HUNK: variants seen among roughly 807,000 people sequenced by gnomAD.
The protein encoded by HUNK is hormonally up-regulated neu tumor-associated kinase.
A neutral mutation model predicts 61.0 loss-of-function variants in HUNK; 21 were observed. The ratio of observed to expected loss-of-function variants is 0.34; its 90% CI spans 0.24 to 0.50. The LOEUF (loss-of-function observed/expected upper bound fraction) is 0.50. HUNK is among the 20% of genes least tolerant of loss of function. The pLI is 0.98. For missense variants in HUNK, 772 were observed against 945.7 expected (o/e 0.82, Z 2.41); for synonymous variants, 371 against 386.1 (o/e 0.96, Z 0.46).
At chr21:31,887,151 C>T (rs1005565715) in intron 1 of HUNK, among the ~76,000 whole-genome samples, 1 of 152,160 alleles carries the variant, frequency 6.6e-6, no homozygotes, top group African/African-American at 2.4e-5. Flanking sequence ...GGCCCCTGAA[C>T]AGCTGTGCTT....
intron 4 of HUNK, among the ~76,000 whole-genome samples, chr21:31,952,466 A>G (rs1486905027): frequency 1.3e-5 from 2 of 151,914 alleles, no homozygotes; most frequent in African/African-American, 2.4e-5. Flanking sequence ...CCTTCCCTCC[A>G]CCTGCCGGGG....
chr21:31,873,753 AG>A lies in HUNK; in HGVS notation c.81del (p.Arg27SerfsTer15). ...CGGCGGCGGCGCGGAGGACGCGGCC[AG>A]GCCCGCGGCGGCCTGCGAGGGAAGT... ...GGGGGAEDAARPAAACEGSFL... is the reference protein window; with the variant it reads ...GGGGGAEDAAXPAAACEGSFL... On this transcript the variant is annotated frameshift_variant, in exon 1 of 11. Coordinates refer to ENST00000270112, the MANE Select transcript of HUNK (RefSeq NM_014586.2). LOFTEE classifies it high-confidence loss of function. This position sits in a 1 kb window ranked among gnomAD's most constrained non-coding sequence, Gnocchi z 6.1. The A allele has an allele frequency of 7.0e-7, 1 of 1,429,102 alleles. No homozygotes were observed. Among genetic ancestry groups the A allele is most frequent in the Non-Finnish European group, 9.2e-7 (1 of 1,087,974 alleles). 88.5% of individuals were successfully genotyped at this position (1,429,102 alleles called of 1,614,324 possible). A position where few individuals can be genotyped will look rare whatever the true frequency, so the allele number is the denominator to read the frequency against.
intron 1 of HUNK, among the ~76,000 whole-genome samples, chr21:31,888,954 T>G (rs570232678): frequency 6.6e-6 from 1 of 152,304 alleles, no homozygotes; most frequent in East Asian, 1.9e-4. Context: ...CAGTGGGGAC[T>G]GGTAGCTCTC....
chr21:31,934,942 C>T (rs557129376), intron 2 of HUNK, among the ~76,000 whole-genome samples: 27 of 152,036 alleles, frequency 1.8e-4, no homozygotes, highest in African/African-American at 2.7e-4. Flanking sequence ...CGTGTCTTTG[C>T]GGTTGTGAAT....
chr21:31,978,112 T>A (rs2053063490), intron 7 of HUNK, among the ~76,000 whole-genome samples: 1 of 152,200 alleles, frequency 6.6e-6, no homozygotes, highest in South Asian at 2.1e-4. Context: ...GAGTGTGGCT[T>A]TGTCATCTGA....
intron 1 of HUNK, among the ~76,000 whole-genome samples, chr21:31,915,585 A>G (rs1166753045): frequency 6.6e-6 from 1 of 152,112 alleles, no homozygotes; most frequent in East Asian, 1.9e-4. Flanking sequence ...TCTCAGTTGT[A>G]CAGAAGATCC....
intron 2 of HUNK, among the ~76,000 whole-genome samples, chr21:31,931,482 C>T (rs1417827727): frequency 6.6e-6 from 1 of 152,166 alleles, no homozygotes; most frequent in Non-Finnish European, 1.5e-5. Context: ...CTGCCAGTGG[C>T]CCTGCTGGGT....
At chr21:31,966,564 T>G (rs141876577) in intron 5 of HUNK, among the ~76,000 whole-genome samples, 77 of 152,310 alleles carry the variant, frequency 5.1e-4, no homozygotes, top group African/African-American at 1.8e-3. Flanking sequence ...CTAGCAAAGA[T>G]TGTTTCTCTT....
At chr21:31,964,339 A>G (rs1054761144) in intron 5 of HUNK, among the ~76,000 whole-genome samples, 3 of 152,200 alleles carry the variant, frequency 2.0e-5, no homozygotes, top group African/African-American at 4.8e-5. Flanking sequence ...ATTTGCATCT[A>G]TCAGGCTACA....
At chr21:31,893,192 G>A (rs1428287718) in intron 1 of HUNK, among the ~76,000 whole-genome samples, 5 of 151,956 alleles carry the variant, frequency 3.3e-5, no homozygotes, top group African/African-American at 7.3e-5. Flanking sequence ...ACAGCAACCC[G>A]AGCTACAGAA....
chr21:31,873,989 A>G lies in HUNK; in HGVS notation c.261+54A>G. ...GGCACAGGGGCGGGAGTCGGCGGCC[A>G]GGACCCCGCGGGGAGCACTGCACTG... On this transcript the variant is annotated intron_variant, in intron 1 of 10. Coordinates refer to ENST00000270112, the MANE Select transcript of HUNK (RefSeq NM_014586.2). This position sits in a 1 kb window ranked among gnomAD's most constrained non-coding sequence, Gnocchi z 6.1. 3.2e-5 allele frequency: 43 copies of G among 1,352,928 alleles called. No homozygotes were observed. The highest frequency in any genetic ancestry group is 4.1e-5 in the Non-Finnish European group (42 of 1,036,168). The allele number at this position is 1,352,928 out of a possible 1,614,324, so 83.8% of individuals were successfully genotyped here.
chr21:31,912,106 C>T (rs2052550069), intron 1 of HUNK, among the ~76,000 whole-genome samples: 1 of 152,164 alleles, frequency 6.6e-6, no homozygotes, highest in Non-Finnish European at 1.5e-5. Context: ...TTGGGGTTGG[C>T]CGTGGCCATG....
chr21:31,994,368 A>G lies in HUNK; in HGVS notation c.1306-1400A>G, dbSNP rs907707017. On this transcript the variant is annotated intron_variant, in intron 9 of 10. Coordinates refer to ENST00000270112, the MANE Select transcript of HUNK (RefSeq NM_014586.2). ...CTTTCCCACTCAAAAACTGGACATC[A>G]TGAACTCTTATCTGCAGACTTTGAA... Among the ~76,000 whole-genome samples the G allele has an allele frequency of 9.8e-5, 15 of 152,294 alleles. No individual in the cohort carries two copies. In the South Asian group the frequency reaches 2.5e-3, roughly 25 times the overall value.
intron 8 of HUNK, among the ~76,000 whole-genome samples, chr21:31,985,396 C>T (rs1018524936): frequency 6.6e-6 from 1 of 152,176 alleles, no homozygotes; most frequent in Admixed American, 6.5e-5. Context: ...CTGGGGCCCA[C>T]ACTGGGCTCC....
At chr21:31,940,867 G>A (rs2833565) in intron 3 of HUNK, among the ~76,000 whole-genome samples, 26,285 of 152,148 alleles carry the variant, frequency 0.17, 3,395 homozygotes, top group African/African-American at 0.36. Flanking sequence ...CCAGATATTA[G>A]ATGGCACCAT....
chr21:31,996,175 A>G (rs1396126302), intron 10 of HUNK, among the ~76,000 whole-genome samples: 1 of 152,152 alleles, frequency 6.6e-6, no homozygotes, highest in Non-Finnish European at 1.5e-5. Context: ...ATGGGGTGCA[A>G]AGTATTACGG....
intron 1 of HUNK, among the ~76,000 whole-genome samples, chr21:31,895,956 AC>A (rs1393955853): frequency 6.6e-6 from 1 of 152,216 alleles, no homozygotes. Flanking sequence ...TAAAGAGGTA[AC>A]TAAGGCGAAA....
intron 5 of HUNK, among the ~76,000 whole-genome samples, chr21:31,966,967 G>A (rs977378454): frequency 4.6e-5 from 7 of 152,256 alleles, no homozygotes; most frequent in South Asian, 4.1e-4. Flanking sequence ...AAGACAGACC[G>A]TCTGCATTTT....
At chr21:31,983,441 G>A (rs1429259866) in intron 7 of HUNK, 85 bp from the exon 8 acceptor site, 1 of 1,060,678 alleles carries the variant, frequency 9.4e-7, no homozygotes, top group Admixed American at 1.9e-5. Context: ...TCTCAGCCAA[G>A]CGCTGGTTTA....
Sources: gnomAD v4.1 joint callset for allele counts (sites outside exome capture counted in the v4.1 genomes callset) on GRCh38, gnomAD v4.1.1 for gene constraint, Gnocchi (gnomAD v3.1) non-coding constraint, MANE v1.5 for transcripts, NCBI Gene and HGNC (gene_info 2026-07-23, HGNC 2026-07-21) for gene names.